The following PGF variants were observed in gnomAD, a reference collection of about 807,000 sequenced individuals.
PGF encodes the protein placental growth factor.
A neutral mutation model predicts 25.3 loss-of-function variants in PGF; 11 were observed. That is an observed-to-expected ratio of 0.43 (90% CI 0.27 to 0.72). The LOEUF is 0.72. Ranked by LOEUF, PGF falls within the 30% of genes least tolerant of loss-of-function variation. The pLI is 0.18. For missense variants in PGF, 230 were observed against 234.9 expected (o/e 0.98, Z 0.14); for synonymous variants, 105 against 97.9 (o/e 1.07, Z -0.43).
intron 4 of PGF, chr14:74,947,004 G>A: frequency 1.6e-6 from 1 of 628,558 alleles, no homozygotes. Context: ...CCTGGCAGGG[G>A]ATAGGGCCTC....
In PGF at chr14:74,942,613, A is replaced by C; in HGVS notation, c.*93T>G. The C allele has an allele frequency of 8.1e-7, 1 of 1,235,698 alleles. No individual in the cohort carries two copies. Among genetic ancestry groups the C allele is most frequent in the Non-Finnish European group, 1.2e-6 (1 of 852,912 alleles). The allele number at this position is 1,235,698 out of a possible 1,614,324, so 76.5% of individuals were successfully genotyped here. On this transcript the variant is annotated 3_prime_UTR_variant, in exon 7 of 7. Coordinates refer to ENST00000555567, the MANE Select transcript of PGF (RefSeq NM_002632.6). ...TCAGCAGGGAAACAGTTGGCTAATA[A>C]ATAGAGGGCAGGTACCAGCAGGAGT...
Position 74,946,213 on chromosome 14 carries a change from AGG to A in PGF, c.483_484del (p.Leu162ValfsTer32). On this transcript the variant is annotated frameshift_variant and splice_region_variant, in exon 6 of 7. Coordinates refer to ENST00000555567, the MANE Select transcript of PGF (RefSeq NM_002632.6). LOFTEE classifies it high-confidence loss of function. ...CATCCCTGGGACCCCGCACACTCAC[AGG>A]TGGCAGTCTGTGGGTCTCTGCTTCT... 1.2e-6 allele frequency: 2 copies of A among 1,613,742 alleles called. No individual in the cohort carries two copies. The highest frequency in any genetic ancestry group is 1.7e-6 in the Non-Finnish European group (2 of 1,179,742).
At position 74,949,393 on chromosome 14, in the gene PGF, G is replaced by A. The variant is rs1401740513; in HGVS notation, c.279C>T (p.His93=). The stretch of plus-strand genomic sequence containing the variant: ...CATTGGCCGTCTCCACCGGCACACA[G>A]TGCAGATTCTCATCGCCGCAGCAGC... ...CTGCCGDENL[H]CVPVETANVT... Residue 93 remains histidine (H), a synonymous_variant, in exon 3 of 7, where the codon CAC becomes CAT. Transcript: ENST00000555567. The A allele has an allele frequency of 6.2e-7, 1 of 1,601,652 alleles. No homozygotes were observed. The highest frequency in any genetic ancestry group is 8.5e-7 in the Non-Finnish European group (1 of 1,173,976).
At chr14:74,943,251 C>T (rs1888645202) in intron 6 of PGF, among the ~76,000 whole-genome samples, 1 of 152,222 alleles carries the variant, frequency 6.6e-6, no homozygotes, top group African/African-American at 2.4e-5. Flanking sequence ...TTTTGTGAGG[C>T]AGTGGCTGAG....
rs45442393 is a variant in PGF at position 74,948,650 on chromosome 14, T to C, written c.316-67A>G. 5,561 of 1,029,210 alleles carry C rather than the reference T, an allele frequency of 5.4e-3. 22 individuals are homozygous for C. The highest frequency in any genetic ancestry group is 7.1e-3 in the Admixed American group (355 of 49,664). 63.8% of individuals were successfully genotyped at this position (1,029,210 alleles called of 1,614,324 possible). Reference sequence around the variant, plus strand: ...CACGAGTTTCCGGCACTCTTCTCTCTCTCCTTGTAAGGAGAACCCGACTCT... The same window carrying C: ...CACGAGTTTCCGGCACTCTTCTCTCCCTCCTTGTAAGGAGAACCCGACTCT... On this transcript the variant is annotated intron_variant, in intron 3 of 6. Transcript: ENST00000555567.
In PGF at chr14:74,946,403, A is replaced by G; in HGVS notation, c.398T>C (p.Leu133Pro). Residue 133 changes from leucine (L) to proline (P), a missense_variant, in exon 5 of 7, where the codon CTG becomes CCG. Transcript: ENST00000555567. ...CCTTTCCGGCTTCATCTTCTCCCGCAGAGGCCTAGGGAAACAGACAGAGAG... is the reference window on the plus strand; with the variant it reads ...CCTTTCCGGCTTCATCTTCTCCCGCGGAGGCCTAGGGAAACAGACAGAGAG... ...SQHVRCECRPLREKMKPERRR... is the reference protein window; with the variant it reads ...SQHVRCECRPPREKMKPERRR... The G allele has an allele frequency of 6.2e-7, 1 of 1,610,566 alleles. No homozygotes were observed. The highest frequency in any genetic ancestry group is 8.5e-7 in the Non-Finnish European group (1 of 1,177,826).
intron 6 of PGF, among the ~76,000 whole-genome samples, chr14:74,942,936 C>T (rs954221919): frequency 1.3e-5 from 2 of 152,214 alleles, no homozygotes; most frequent in African/African-American, 4.8e-5. Flanking sequence ...ATGTGCCCAG[C>T]CCTGTGCCAA....
intron 3 of PGF, 29 bp from the exon 4 acceptor site, chr14:74,948,612 T>A: frequency 6.7e-7 from 1 of 1,503,344 alleles, no homozygotes. Context: ...GATGCCTGGA[T>A]TGGGGAGTGG....
chr14:74,952,240 C>T (rs558687250), intron 2 of PGF, among the ~76,000 whole-genome samples: 16 of 152,316 alleles, frequency 1.1e-4, no homozygotes, highest in South Asian at 6.2e-4. Context: ...GCACTGGAGA[C>T]GGGCCACAGG....
In PGF at chr14:74,950,212, C is replaced by T. The variant is rs1255770959; in HGVS notation, c.119-659G>A. Among the ~76,000 whole-genome samples, 1 of 152,194 alleles carries T rather than the reference C, an allele frequency of 6.6e-6. No individual in the cohort carries two copies. The highest frequency in any genetic ancestry group is 1.5e-5 in the Non-Finnish European group (1 of 68,046). ...TCATTTCTATCCAAATAAAGTCCAC[C>T]CGCCATTTTCCACGACCTGCCTCCC... On this transcript the variant is annotated intron_variant, in intron 2 of 6. Coordinates refer to ENST00000555567, the MANE Select transcript of PGF (RefSeq NM_002632.6). This position sits in a 1 kb window ranked among gnomAD's most constrained non-coding sequence, Gnocchi z 4.1.
In PGF at chr14:74,942,713, C is replaced by T. The variant is rs151145980; in HGVS notation, c.506G>A (p.Arg169Gln). The T allele has an allele frequency of 3.2e-5, 51 of 1,611,602 alleles. No homozygotes were observed. Among genetic ancestry groups the T allele is most frequent in the East Asian group, 1.3e-4 (6 of 44,584 alleles). ...TCTCCTCCAAGGGGTGGGTTACCTC[C>T]GGGGAACAGCATCGCCGCACCTGCC... The part of the protein sequence containing the change: ...DCHLCGDAVP[R>Q]R The change falls in exon 7 of 7, where the codon CGG becomes CAG. Residue 169 changes from arginine to glutamine, a missense_variant. Physicochemically the swap from Arg to Gln is conservative, Grantham distance 43 (BLOSUM62 1). Coordinates refer to ENST00000555567, the MANE Select transcript of PGF (RefSeq NM_002632.6).
chr14:74,943,499 C>A (rs556200136), intron 6 of PGF, among the ~76,000 whole-genome samples: 1 of 152,326 alleles, frequency 6.6e-6, no homozygotes, highest in South Asian at 2.1e-4. Context: ...CTTAGCAGAG[C>A]ACCTTGAGAT....
At chr14:74,949,657 G>A (rs1566858457) in intron 2 of PGF, 104 bp from the exon 3 acceptor site, 1 of 885,636 alleles carries the variant, frequency 1.1e-6, no homozygotes. Flanking sequence ...TCAGCCCCCA[G>A]CCCCATCCGA....
At chr14:74,954,073 C>T in intron 1 of PGF, 127 bp from the exon 2 acceptor site, 1 of 852,208 alleles carries the variant, frequency 1.2e-6, no homozygotes. Flanking sequence ...ATGCTCTGCC[C>T]TGTCTCAGAG....
chr14:74,954,130 T>C (rs1888931703), intron 1 of PGF, 184 bp from the exon 2 acceptor site: 1 of 607,544 alleles, frequency 1.6e-6, no homozygotes, highest in South Asian at 2.0e-5. Context: ...GTAGGTTAGG[T>C]CCCACCCCTC....
At position 74,949,428 on chromosome 14, in the gene PGF, G is replaced by T. The variant is rs541170795; in HGVS notation, c.244C>A (p.Arg82Ser). The T allele has an allele frequency of 3.7e-6, 6 of 1,611,684 alleles. No individual in the cohort carries two copies. Among genetic ancestry groups the T allele is most frequent in the Non-Finnish European group, 5.1e-6 (6 of 1,179,030 alleles). ...TCATCGCCGCAGCAGCCGGTGCAGC[G>T]CAGCAGGGAGACACAGGATGGGCTG... ...MFSPSCVSLL[R>S]CTGCCGDENL... is the part of the protein sequence containing the mutation. Residue 82 changes from arginine to serine, a missense_variant, in exon 3 of 7, where the codon CGC becomes AGC. Arg to Ser is a moderately radical substitution (Grantham distance 110). Transcript: ENST00000555567.
chr14:74,955,155 G>A lies in PGF; in HGVS notation c.75+13C>T. The stretch of plus-strand genomic sequence containing the variant: ...AGGTCTGGGGAGCCAGGCTAGGTGG[G>A]GGTAGCTCTTACCTGGGGGGGCACA... On this transcript the variant is annotated intron_variant, in intron 1 of 6. Transcript: ENST00000555567. The surrounding 1 kb of genome is among the most constrained non-coding windows in gnomAD (Gnocchi z 4.1). 1 of 1,443,232 alleles carries A rather than the reference G, an allele frequency of 6.9e-7. No individual in the cohort carries two copies. Among genetic ancestry groups the A allele is most frequent in the Non-Finnish European group, 9.2e-7 (1 of 1,083,740 alleles). The allele number at this position is 1,443,232 out of a possible 1,614,324, so 89.4% of individuals were successfully genotyped here.
chr14:74,947,985 C>T (rs61759384), intron 4 of PGF: 2,357 of 152,652 alleles, frequency 0.015, 53 homozygotes, highest in African/African-American at 0.054. Context: ...TGGGAGGGGC[C>T]GTAGAGGGGT....
chr14:74,955,073 G>T lies in PGF; in HGVS notation c.75+95C>A. The T allele has an allele frequency of 1.7e-6, 1 of 597,054 alleles. No homozygotes were observed. Among genetic ancestry groups the T allele is most frequent in the Non-Finnish European group, 2.7e-6 (1 of 376,630 alleles). 37.0% of individuals were successfully genotyped at this position (597,054 alleles called of 1,614,324 possible). The stretch of plus-strand genomic sequence containing the variant: ...GTGTGTGGACATCCTTGGAGTTGCT[G>T]CTCCCTGGAGTGGGTCTGTGATTTC... On this transcript the variant is annotated intron_variant, in intron 1 of 6. Transcript: ENST00000555567. The surrounding 1 kb of genome is among the most constrained non-coding windows in gnomAD (Gnocchi z 4.1).
Sources: gnomAD v4.1 joint callset for allele counts (sites outside exome capture counted in the v4.1 genomes callset) on GRCh38, gnomAD v4.1.1 for gene constraint, Gnocchi (gnomAD v3.1) non-coding constraint, MANE v1.5 for transcripts, NCBI Gene and HGNC (gene_info 2026-07-23, HGNC 2026-07-21) for gene names.